RNF24: variants seen among roughly 807,000 people sequenced by gnomAD.
RNF24 encodes ring finger protein 24.
Under a neutral mutation model 20.0 loss-of-function variants are expected in RNF24, and 14 were observed. The ratio of observed to expected loss-of-function variants is 0.70; its 90% CI spans 0.46 to 1.10. The LOEUF is 1.10. Among genes scored for constraint, RNF24 ranks in the 50% least tolerant of loss-of-function variants. The pLI is 0.00. For missense variants in RNF24, 124 were observed against 177.6 expected (o/e 0.70, Z 1.71); for synonymous variants, 45 against 61.1 (o/e 0.74, Z 1.23).
chr20:3,969,615 A>G (rs1334913874), intron 1 of RNF24, among the ~76,000 whole-genome samples: 1 of 152,130 alleles, frequency 6.6e-6, no homozygotes, highest in East Asian at 1.9e-4. Flanking sequence ...TACTTCAGCT[A>G]AACAACCCAG....
In RNF24 at chr20:3,932,856, C is replaced by G. The variant is rs1267795872; in HGVS notation, c.*1207G>C. On this transcript the variant is annotated 3_prime_UTR_variant, in exon 6 of 6. Transcript: ENST00000358395. Reference sequence around the variant, plus strand: ...TTGAGTCATTTCTAGAAAAGTTGGACAGAAAGAGCCAAAGAGCAGCATGCG... The same window carrying G: ...TTGAGTCATTTCTAGAAAAGTTGGAGAGAAAGAGCCAAAGAGCAGCATGCG... The G allele has an allele frequency of 5.0e-6, 2 of 398,254 alleles. No individual in the cohort carries two copies. Among genetic ancestry groups the G allele is most frequent in the Non-Finnish European group, 8.8e-6 (2 of 226,046 alleles). The allele number at this position is 398,254 out of a possible 1,614,324, so 24.7% of individuals were successfully genotyped here.
chr20:3,951,743 A>G (rs2091084022), intron 2 of RNF24, among the ~76,000 whole-genome samples: 1 of 152,154 alleles, frequency 6.6e-6, no homozygotes, highest in African/African-American at 2.4e-5. Context: ...TATTGGTTGT[A>G]ATCTATGAGT....
rs1375468611 is a variant in RNF24, at chr20:3,928,934, T to C, written c.*5129A>G. The C allele has an allele frequency of 1.3e-5, 2 of 151,732 alleles. No individual in the cohort carries two copies. Among genetic ancestry groups the C allele is most frequent in the Non-Finnish European group, 2.9e-5 (2 of 67,904 alleles). 9.4% of individuals were successfully genotyped at this position (151,732 alleles called of 1,614,324 possible). ...GGGGATCTTGGCTCACTGCAACTTC[T>C]GTCTCCCGGGTTCAATCAATTCTCC... On this transcript the variant is annotated 3_prime_UTR_variant, in exon 6 of 6. Transcript: ENST00000358395.
intron 1 of RNF24, among the ~76,000 whole-genome samples, chr20:4,004,279 TTCTG>T (rs1981663710): frequency 1.3e-5 from 2 of 152,186 alleles, no homozygotes; most frequent in South Asian, 2.1e-4. Context: ...AACTTCAATC[TTCTG>T]TCTTTCTATC....
At chr20:4,003,261 G>A (rs1210983966) in intron 1 of RNF24, among the ~76,000 whole-genome samples, 1 of 152,106 alleles carries the variant, frequency 6.6e-6, no homozygotes, top group Non-Finnish European at 1.5e-5. Flanking sequence ...GAACCACCAC[G>A]CCCGGCCCAG....
intron 1 of RNF24, among the ~76,000 whole-genome samples, chr20:4,002,481 T>C (rs1981493905): frequency 6.6e-6 from 1 of 152,118 alleles, no homozygotes; most frequent in Non-Finnish European, 1.5e-5. Flanking sequence ...GGCAAAACCT[T>C]GTTAATTGTT....
intron 1 of RNF24, among the ~76,000 whole-genome samples, chr20:4,003,629 A>G (rs1175829618): frequency 1.7e-5 from 2 of 118,746 alleles, no homozygotes; most frequent in Non-Finnish European, 3.4e-5. Context: ...CATGTTAGAA[A>G]CTCCTTTTTT....
rs200143952 is a variant in RNF24 at position 3,973,574 on chromosome 20, ACAGACACTG to A, written c.-7-9559_-7-9551del. ...CAACAATTAAATAGGAGAGATCACT[ACAGACACTG>A]CAGACATCAAAAGGATAAGAAGGGT... On this transcript the variant is annotated intron_variant, in intron 1 of 5. Coordinates refer to ENST00000358395, the MANE Select transcript of RNF24 (RefSeq NM_001134337.3). Among the ~76,000 whole-genome samples the A allele has an allele frequency of 4.4e-3, 673 of 151,884 alleles. 12 individuals are homozygous for A. The highest frequency in any genetic ancestry group is 0.029 in the Admixed American group (436 of 15,224).
intron 2 of RNF24, among the ~76,000 whole-genome samples, chr20:3,949,683 T>TA (rs981682641): frequency 7.3e-5 from 11 of 151,426 alleles, no homozygotes; most frequent in Admixed American, 3.3e-4. Flanking sequence ...GATCCTGTCA[T>TA]AAAAAAAAAT....
intron 4 of RNF24, among the ~76,000 whole-genome samples, chr20:3,939,944 G>T (rs2146946336): frequency 6.6e-6 from 1 of 152,006 alleles, no homozygotes; most frequent in Admixed American, 6.6e-5. Flanking sequence ...TATTTTTGAT[G>T]CTATTACAAA....
intron 1 of RNF24, among the ~76,000 whole-genome samples, chr20:4,004,042 G>C (rs1272600628): frequency 6.6e-6 from 1 of 152,096 alleles, no homozygotes. Context: ...AATTGGCCCG[G>C]ACTTTTCATC....
intron 4 of RNF24, among the ~76,000 whole-genome samples, chr20:3,937,858 A>G (rs900118290): frequency 1.3e-5 from 2 of 152,094 alleles, no homozygotes; most frequent in South Asian, 2.1e-4. Context: ...CCATTTATCT[A>G]TTGATGGCCA....
chr20:4,006,643 G>A (rs1011956246), intron 1 of RNF24, among the ~76,000 whole-genome samples: 5 of 152,192 alleles, frequency 3.3e-5, no homozygotes, highest in African/African-American at 1.2e-4. Context: ...TAAATTTCCA[G>A]AGCAAATTTG....
chr20:3,991,353 G>C (rs1001804056), intron 1 of RNF24, among the ~76,000 whole-genome samples: 6 of 150,136 alleles, frequency 4.0e-5, no homozygotes, highest in African/African-American at 1.5e-4. Flanking sequence ...CCTGGTTCAA[G>C]TGATTCTCCT....
Position 3,932,541 on chromosome 20 carries a change from C to G in RNF24, c.*1522G>C, listed in dbSNP as rs1306779133. ...TCTGAACCAAGGACAGGTTCCTTCT[C>G]CTAAGAGGACAGAGGTTGGATTCCA... On this transcript the variant is annotated 3_prime_UTR_variant, in exon 6 of 6. Transcript: ENST00000358395. The G allele has an allele frequency of 5.7e-6, 1 of 176,030 alleles. No homozygotes were observed. The highest frequency in any genetic ancestry group is 2.4e-5 in the African/African-American group (1 of 42,552). The allele number at this position is 176,030 out of a possible 1,614,324, so 10.9% of individuals were successfully genotyped here. A position where few individuals can be genotyped will look rare whatever the true frequency, so the allele number is the denominator to read the frequency against.
intron 1 of RNF24, among the ~76,000 whole-genome samples, chr20:3,977,424 A>G (rs917340664): frequency 3.3e-5 from 5 of 152,230 alleles, no homozygotes; most frequent in Non-Finnish European, 7.3e-5. Flanking sequence ...AAAAGCAGCA[A>G]AGAAACCTGG....
chr20:3,944,209 CAAAAAAA>C (rs58334745), intron 4 of RNF24, among the ~76,000 whole-genome samples: 43,715 of 109,922 alleles, frequency 0.4, 7,194 homozygotes, highest in African/African-American at 0.51. Context: ...GACCCCGTCT[CAAAAAAA>C]AAAAAAAAAA....
At chr20:4,011,780 T>C (rs1433524646) in intron 1 of RNF24, among the ~76,000 whole-genome samples, 1 of 152,218 alleles carries the variant, frequency 6.6e-6, no homozygotes, top group East Asian at 1.9e-4. Context: ...CTGTCAGTCA[T>C]ATAAATCCTG....
At chr20:4,003,100 G>T (rs1013686952) in intron 1 of RNF24, among the ~76,000 whole-genome samples, 2 of 152,192 alleles carry the variant, frequency 1.3e-5, no homozygotes, top group South Asian at 2.1e-4. Flanking sequence ...CTTCTGAGTA[G>T]CTGGGATTAT....
Sources: gnomAD v4.1 joint callset for allele counts (sites outside exome capture counted in the v4.1 genomes callset) on GRCh38, gnomAD v4.1.1 for gene constraint, MANE v1.5 for transcripts, NCBI Gene and HGNC (gene_info 2026-07-23, HGNC 2026-07-21) for gene names.